The following GREB1 variants were observed in gnomAD, a reference collection of about 807,000 sequenced individuals.
GREB1 encodes protein GREB1.
A neutral mutation model predicts 200.7 loss-of-function variants in GREB1; 106 were observed. That is an observed-to-expected ratio of 0.53 (90% CI 0.45 to 0.62). GREB1 has a LOEUF of 0.62. Ranked by LOEUF, GREB1 falls within the 20% of genes least tolerant of loss-of-function variation. The pLI is 0.00. For missense variants in GREB1, 2,243 were observed against 2,556.8 expected (o/e 0.88, Z 2.65); for synonymous variants, 1,132 against 1,092.4 (o/e 1.04, Z -0.72).
intron 4 of GREB1, among the ~76,000 whole-genome samples, chr2:11,567,195 G>C (rs1474738629): frequency 6.6e-6 from 1 of 152,170 alleles, no homozygotes; most frequent in African/African-American, 2.4e-5. Context: ...TACTGTCTCA[G>C]CTCACTGCGA....
intron 3 of GREB1, chr2:11,562,834 T>C (rs6432216): frequency 0.22 from 73,380 of 340,262 alleles, 14,496 homozygotes; most frequent in African/African-American, 0.68. Flanking sequence ...CTTTGGACAG[T>C]CTCAACTTTA....
intron 2 of GREB1, among the ~76,000 whole-genome samples, chr2:11,559,006 G>A (rs896690746): frequency 3.9e-5 from 6 of 152,112 alleles, no homozygotes; most frequent in African/African-American, 1.4e-4. Context: ...AACAGACACT[G>A]TCCAGCATTT....
chr2:11,524,568 C>T (rs1013156175), intron 1 of GREB1, among the ~76,000 whole-genome samples: 7 of 152,234 alleles, frequency 4.6e-5, no homozygotes, highest in Admixed American at 2.6e-4. Flanking sequence ...TGCAGTACCA[C>T]GTCCTGTCTG....
intron 9 of GREB1, chr2:11,587,693 TAACACACACACACACACACACACACA>T (rs1160443472): frequency 2.9e-5 from 28 of 980,306 alleles, no homozygotes; most frequent in Middle Eastern, 4.5e-4. Flanking sequence ...GAGTACAAGA[TAACACACACACACACACACACACACA>T]CACACACACA....
At chr2:11,529,693 A>T (rs896097566), upstream of GREB1, among the ~76,000 whole-genome samples, 2 of 152,240 alleles carry the variant, frequency 1.3e-5, no homozygotes, top group Non-Finnish European at 2.9e-5. Flanking sequence ...TCAAATAGAC[A>T]TAACATGTAG....
chr2:11,483,672 C>G (rs1212601894), intron 1 of GREB1, among the ~76,000 whole-genome samples: 1 of 143,482 alleles, frequency 7.0e-6, no homozygotes, highest in East Asian at 2.2e-4. Flanking sequence ...GCTGCTTCCC[C>G]GAAGTACAAG....
intron 17 of GREB1, among the ~76,000 whole-genome samples, chr2:11,610,247 C>T (rs974194523): frequency 1.3e-5 from 2 of 152,226 alleles, no homozygotes; most frequent in African/African-American, 2.4e-5. Context: ...CTTTAGAACT[C>T]GGGCCTCCGG....
At chr2:11,525,637 A>G (rs564014383) in intron 1 of GREB1, among the ~76,000 whole-genome samples, 38 of 152,220 alleles carry the variant, frequency 2.5e-4, no homozygotes, top group African/African-American at 8.4e-4. Context: ...CAGAAATTCT[A>G]CCACTCTTGG....
chr2:11,552,829 G>A (rs1373555880), intron 1 of GREB1, among the ~76,000 whole-genome samples: 5 of 151,926 alleles, frequency 3.3e-5, no homozygotes, highest in Admixed American at 6.5e-5. Context: ...GGCTAACACG[G>A]TGAAACCCCG....
intron 10 of GREB1, among the ~76,000 whole-genome samples, chr2:11,590,266 A>AC (rs1405117628): frequency 2.6e-5 from 4 of 152,072 alleles, no homozygotes; most frequent in African/African-American, 9.7e-5. Flanking sequence ...CTGCCGCCTC[A>AC]CCGGGGCACC....
chr2:11,623,628 C>T (rs200897735), intron 23 of GREB1, among the ~76,000 whole-genome samples: 7 of 152,312 alleles, frequency 4.6e-5, no homozygotes, highest in South Asian at 2.1e-4. Context: ...TGGTGGCTCA[C>T]GCCTGTAATC....
intron 13 of GREB1, among the ~76,000 whole-genome samples, chr2:11,596,863 TGA>T (rs1397759630): frequency 2.0e-5 from 1 of 49,782 alleles, no homozygotes; most frequent in Non-Finnish European, 3.7e-5. Context: ...GTGTGTACAG[TGA>T]GAGGGGTGGG....
At chr2:11,586,012 C>A in intron 9 of GREB1, 107 bp downstream of exon 9, 2 of 1,188,010 alleles carry the variant, frequency 1.7e-6, no homozygotes, top group East Asian at 2.4e-5. Flanking sequence ...AGGGTATCCT[C>A]CTGAGACAAA....
At chr2:11,615,014 GTGCTGCC>G in intron 19 of GREB1, 70 bp from the exon 20 acceptor site, 3 of 1,136,164 alleles carry the variant, frequency 2.6e-6, no homozygotes, top group Non-Finnish European at 4.0e-6. Flanking sequence ...GTCCCGATCA[GTGCTGCC>G]TGCCGCAGTG....
intron 5 of GREB1, 97 bp from the exon 6 acceptor site, chr2:11,578,200 C>T: frequency 7.5e-7 from 1 of 1,332,690 alleles, no homozygotes; most frequent in Non-Finnish European, 1.0e-6. Flanking sequence ...GTCTCCATAG[C>T]TCACTGTCCT....
At chr2:11,626,211 A>T (rs1684438472) in intron 24 of GREB1, among the ~76,000 whole-genome samples, 1 of 152,146 alleles carries the variant, frequency 6.6e-6, no homozygotes, top group Admixed American at 6.6e-5. Flanking sequence ...CTCAGAATAG[A>T]TCCCTTGCAC....
rs557144811 is a variant in GREB1 at position 11,514,407 on chromosome 2, C to T, written c.-159+32026C>T. 3.3e-5 allele frequency among the ~76,000 whole-genome samples: 5 copies of T among 152,316 alleles called. No homozygotes were observed. In the East Asian group the frequency reaches 7.7e-4, roughly 24 times the overall value. ...GAGACTCTGACTCCAGATCCTACAC[C>T]CTTTTCACTACACCCCTTTGCCAAC... On this transcript the variant is annotated intron_variant, in intron 1 of 2. Coordinates refer to the GREB1 transcript ENST00000628795.
At chr2:11,587,864 A>C (rs1235090093) in intron 9 of GREB1, 2 of 1,005,616 alleles carry the variant, frequency 2.0e-6, no homozygotes, top group Non-Finnish European at 2.4e-6. Flanking sequence ...TCATGTAGGT[A>C]AAGAATGGTG....
chr2:11,614,996 G>A, intron 19 of GREB1, 95 bp from the exon 20 acceptor site: 2 of 895,688 alleles, frequency 2.2e-6, no homozygotes, highest in South Asian at 2.8e-5. Flanking sequence ...CCAGGAAGGT[G>A]GGGTGTGGTC....
Sources: gnomAD v4.1 joint callset for allele counts (sites outside exome capture counted in the v4.1 genomes callset) on GRCh38, gnomAD v4.1.1 for gene constraint, MANE v1.5 for transcripts, NCBI Gene and HGNC (gene_info 2026-07-23, HGNC 2026-07-21) for gene names.